Variants in SLC7A2 observed in about 807,000 individuals in gnomAD.
The protein encoded by SLC7A2 is solute carrier family 7 member 2, also known as cationic amino acid transporter 2.
A neutral mutation model predicts 58.9 loss-of-function variants in SLC7A2; 48 were observed. That is an observed-to-expected ratio of 0.82 (90% CI 0.65 to 1.04). The LOEUF (loss-of-function observed/expected upper bound fraction) is 1.04, where lower values mean the gene tolerates loss of function less well. SLC7A2 is among the 50% of genes least tolerant of loss of function. The probability of loss-of-function intolerance (pLI) is 0.00; values close to 1 mark genes in which losing one functional copy is unlikely to be tolerated. For synonymous variants in SLC7A2, 363 were observed against 314.5 expected, an observed-to-expected ratio of 1.15 and a Z score of -1.63; for missense variants, 1,029 against 818.8, an observed-to-expected ratio of 1.26 and a Z score of -3.13.
intron 1 of SLC7A2, among the ~76,000 whole-genome samples, chr8:17,498,156 A>G (rs1800024387): frequency 6.6e-6 from 1 of 152,230 alleles, no homozygotes; most frequent in African/African-American, 2.4e-5. Flanking sequence ...TAAAGCCTTT[A>G]GGTGACTAAT....
At chr8:17,502,992 T>C (rs1800224184) in intron 2 of SLC7A2, among the ~76,000 whole-genome samples, 2 of 152,082 alleles carry the variant, frequency 1.3e-5, no homozygotes, top group Non-Finnish European at 2.9e-5. Flanking sequence ...AAATAAAATT[T>C]TCACAAATTT....
At chr8:17,561,672 G>T (rs551729173) in intron 10 of SLC7A2, among the ~76,000 whole-genome samples, 4 of 152,318 alleles carry the variant, frequency 2.6e-5, no homozygotes, top group African/African-American at 9.6e-5. Flanking sequence ...CAGATGGCAC[G>T]TGGGCAGATA....
Position 17,558,277 on chromosome 8 carries a change from C to G in SLC7A2, c.1196-18C>G. ...CTCCTGGGCCGTTTACTTCACCGTT[C>G]TTTTCTTCTCCCCCTAGCTTTGATG... On this transcript the variant is annotated intron_variant, in intron 8 of 12. Transcript: ENST00000494857. The G allele has an allele frequency of 2.5e-6, 4 of 1,569,502 alleles. No individual in the cohort carries two copies. The highest frequency in any genetic ancestry group is 2.6e-6 in the Non-Finnish European group (3 of 1,140,626).
chr8:17,528,725 ATATATT>A (rs1250949926), intron 2 of SLC7A2, among the ~76,000 whole-genome samples: 1 of 152,158 alleles, frequency 6.6e-6, no homozygotes, highest in Admixed American at 6.5e-5. Context: ...CTTTGAATTA[ATATATT>A]TATATGAGGG....
intron 2 of SLC7A2, among the ~76,000 whole-genome samples, chr8:17,530,079 G>A (rs771598833): frequency 1.3e-4 from 20 of 152,134 alleles, no homozygotes; most frequent in East Asian, 3.9e-4. Context: ...GTGAATGAGC[G>A]GGAGGTTCTC....
chr8:17,502,461 G>A (rs571997668), intron 2 of SLC7A2, among the ~76,000 whole-genome samples, 159 bp downstream of exon 2: 1 of 152,098 alleles, frequency 6.6e-6, no homozygotes, highest in Admixed American at 6.5e-5. Context: ...CCTACCATTG[G>A]CCTAGTAGAA....
chr8:17,566,211 C>T lies in SLC7A2; in HGVS notation c.*1065C>T, dbSNP rs1176817109. 6.6e-6 allele frequency: 1 copy of T among 152,108 alleles called. No homozygotes were observed. Among genetic ancestry groups the T allele is most frequent in the Non-Finnish European group, 1.5e-5 (1 of 68,016 alleles). The allele number at this position is 152,108 out of a possible 1,614,324, so 9.4% of individuals were successfully genotyped here. On this transcript the variant is annotated 3_prime_UTR_variant, in exon 13 of 13. Coordinates refer to ENST00000494857, the MANE Select transcript of SLC7A2 (RefSeq NM_001370338.1). ...ATCACAGTTTAGTTTTTTTCTTAAC[C>T]TCGTCAGGCCCAGAGTTCACTTCTT...
At position 17,507,191 on chromosome 8, in the gene SLC7A2, C is replaced by T. The variant is rs374828548; in HGVS notation, c.-23+4889C>T. 3.5e-4 allele frequency among the ~76,000 whole-genome samples: 53 copies of T among 152,186 alleles called. 1 individual carries two copies. The South Asian group carries it at 8.9e-3, about 26-fold the overall frequency. On this transcript the variant is annotated intron_variant, in intron 2 of 12. Transcript: ENST00000494857. Reference sequence around the variant, plus strand: ...TGATCTGCTGACCTTGTGATCCACCCGCTTCGGCCCCACAAAGTGCTGCGA... The same window carrying T: ...TGATCTGCTGACCTTGTGATCCACCTGCTTCGGCCCCACAAAGTGCTGCGA...
Position 17,550,469 on chromosome 8 carries a change from T to C in SLC7A2, c.832+35T>C, listed in dbSNP as rs1241192967. On this transcript the variant is annotated intron_variant, in intron 6 of 12. Transcript: ENST00000494857. ...GTGTCTTGGCTCAGTGTAGAAGGAG[T>C]GTTCCTTGTTGTGCACGAGTACCCG... 4 of 1,594,088 alleles carry C rather than the reference T, an allele frequency of 2.5e-6. No homozygotes were observed. The South Asian group carries it at 3.4e-5, about 13-fold the overall frequency.
At chr8:17,509,549 AC>A (rs1192045056) in intron 2 of SLC7A2, among the ~76,000 whole-genome samples, 14 of 151,676 alleles carry the variant, frequency 9.2e-5, no homozygotes, top group Admixed American at 9.2e-4. Flanking sequence ...CAAGTAATCC[AC>A]CCGCCTTGGC....
At chr8:17,522,428 A>G (rs2150691777) in intron 2 of SLC7A2, among the ~76,000 whole-genome samples, 1 of 152,260 alleles carries the variant, frequency 6.6e-6, no homozygotes, top group African/African-American at 2.4e-5. Flanking sequence ...GGCCATGCTG[A>G]CTACAAGAAG....
chr8:17,501,347 G>A (rs1230382440), intron 1 of SLC7A2, among the ~76,000 whole-genome samples: 1 of 152,164 alleles, frequency 6.6e-6, no homozygotes, highest in African/African-American at 2.4e-5. Flanking sequence ...ATATTTCTGA[G>A]AAAGGCCTCT....
chr8:17,522,600 C>A (rs78854705), intron 2 of SLC7A2, among the ~76,000 whole-genome samples: 2,642 of 152,224 alleles, frequency 0.017, 51 homozygotes, highest in African/African-American at 0.053. Flanking sequence ...CATCTGCTTC[C>A]CAGTTTTTAG....
At chr8:17,557,173 T>C (rs1188832948) in intron 8 of SLC7A2, among the ~76,000 whole-genome samples, 6 of 152,136 alleles carry the variant, frequency 3.9e-5, no homozygotes, top group African/African-American at 1.4e-4. Flanking sequence ...GACTCAAAGG[T>C]AAAATGAGAT....
chr8:17,530,715 G>A (rs1411848593), intron 2 of SLC7A2, among the ~76,000 whole-genome samples: 1 of 151,970 alleles, frequency 6.6e-6, no homozygotes, highest in Non-Finnish European at 1.5e-5. Context: ...TGGGACTACA[G>A]GGACGTGCCA....
chr8:17,560,196 G>A (rs1270113047), intron 9 of SLC7A2, 132 bp from the exon 10 acceptor site: 1 of 665,672 alleles, frequency 1.5e-6, no homozygotes, highest in African/African-American at 1.8e-5. Context: ...CTCTGGGACT[G>A]GAGTCATAAG....
At chr8:17,544,396 A>G in intron 3 of SLC7A2, 55 bp from the exon 4 acceptor site, 3 of 1,484,398 alleles carry the variant, frequency 2.0e-6, no homozygotes, top group Admixed American at 3.6e-5. Context: ...GTAGCAAATG[A>G]TGCTACTTTA....
intron 2 of SLC7A2, chr8:17,511,156 G>C (rs1423916667): frequency 6.6e-6 from 1 of 152,112 alleles, no homozygotes; most frequent in Non-Finnish European, 1.5e-5. Flanking sequence ...TGCATGCGGA[G>C]CTTAAAACGT....
In SLC7A2 at chr8:17,550,394, C is replaced by A. The variant is rs1462344233; in HGVS notation, c.792C>A (p.Cys264Ter). 1 of 1,613,802 alleles carries A rather than the reference C, an allele frequency of 6.2e-7. No individual in the cohort carries two copies. The highest frequency in any genetic ancestry group is 1.3e-5 in the African/African-American group (1 of 74,894). Residue 264 changes from cysteine to a stop codon, truncating the protein, a stop_gained, in exon 6 of 13, where the codon TGC (cysteine) becomes TGA (stop). Coordinates refer to ENST00000494857, the MANE Select transcript of SLC7A2 (RefSeq NM_001370338.1). LOFTEE classifies it high-confidence loss of function. ...FTGTLAGAAT[C>*]FYAFVGFDCI... ...GAACGTTGGCTGGTGCTGCAACTTGCTTTTATGCCTTTGTGGGATTTGACT... is the reference window on the plus strand; with the variant it reads ...GAACGTTGGCTGGTGCTGCAACTTGATTTTATGCCTTTGTGGGATTTGACT...
Sources: gnomAD v4.1 joint callset for allele counts (sites outside exome capture counted in the v4.1 genomes callset) on GRCh38, gnomAD v4.1.1 for gene constraint, MANE v1.5 for transcripts, NCBI Gene and HGNC (gene_info 2026-07-23, HGNC 2026-07-21) for gene names.